Variants in PCSK6 observed in about 807,000 individuals in gnomAD.
PCSK6 encodes proprotein convertase subtilisin/kexin type 6, also known as paired basic amino acid cleaving enzyme 4.
In PCSK6, 85 loss-of-function variants were observed where a neutral mutation model predicts 123.3. That is an observed-to-expected ratio of 0.69 (90% CI 0.58 to 0.83). The LOEUF is 0.83. PCSK6 is among the 40% of genes least tolerant of loss of function. The pLI, the probability that PCSK6 is intolerant of heterozygous loss-of-function variation, is 0.00. For missense variants in PCSK6, 1,191 were observed against 1,282.3 expected, an observed-to-expected ratio of 0.93 and a Z score of 1.09; for synonymous variants, 508 against 516.0, an observed-to-expected ratio of 0.98 and a Z score of 0.21.
chr15:101,375,762 T>C (rs2041718270), intron 11 of PCSK6, among the ~76,000 whole-genome samples: 1 of 152,104 alleles, frequency 6.6e-6, no homozygotes. Context: ...TGGCCAGGTG[T>C]GGTGGCTCAC....
At chr15:101,468,312 C>A (rs774161034) in intron 1 of PCSK6, among the ~76,000 whole-genome samples, 4 of 152,164 alleles carry the variant, frequency 2.6e-5, no homozygotes, top group Non-Finnish European at 5.9e-5. Flanking sequence ...ACAGCACCAG[C>A]CCTGGATGGT....
chr15:101,327,333 C>A (rs2040279046), intron 15 of PCSK6, among the ~76,000 whole-genome samples: 1 of 152,170 alleles, frequency 6.6e-6, no homozygotes, highest in Non-Finnish European at 1.5e-5. Context: ...AGAGATGAAG[C>A]CAGTGTTAAA....
At chr15:101,310,042 G>C (rs1010700707) in intron 20 of PCSK6, among the ~76,000 whole-genome samples, 16 of 152,240 alleles carry the variant, frequency 1.1e-4, no homozygotes, top group African/African-American at 3.1e-4. Context: ...CACAGCAGCA[G>C]CGGACGGCCA....
chr15:101,395,657 G>A (rs2042390126), intron 7 of PCSK6, among the ~76,000 whole-genome samples: 1 of 152,142 alleles, frequency 6.6e-6, no homozygotes, highest in African/African-American at 2.4e-5. Flanking sequence ...AAGCTGTAGG[G>A]GACATTTCAA....
intron 1 of PCSK6, among the ~76,000 whole-genome samples, chr15:101,487,415 A>C (rs955598768): frequency 3.9e-5 from 6 of 152,244 alleles, no homozygotes; most frequent in African/African-American, 1.4e-4. Context: ...CTTCTCTCCC[A>C]TCCGCAAAAC....
intron 1 of PCSK6, among the ~76,000 whole-genome samples, chr15:101,459,864 C>T (rs1330635401): frequency 1.3e-5 from 2 of 152,004 alleles, no homozygotes; most frequent in Admixed American, 1.3e-4. Context: ...CTAGACAGCC[C>T]ACGCCCCCAC....
intron 2 of PCSK6, among the ~76,000 whole-genome samples, chr15:101,435,318 A>AGAAAGAAAGAAAG (rs1555459439): frequency 8.1e-5 from 12 of 148,202 alleles, no homozygotes; most frequent in Admixed American, 6.7e-4. Flanking sequence ...CTCAAAAAAA[A>AGAAAGAAAGAAAG]AAAGAAAGAA....
chr15:101,364,247 G>A (rs2041322982), intron 13 of PCSK6, among the ~76,000 whole-genome samples: 1 of 152,166 alleles, frequency 6.6e-6, no homozygotes, highest in East Asian at 1.9e-4. Context: ...AACAGTGAAA[G>A]CAAACCTTGA....
intron 10 of PCSK6, among the ~76,000 whole-genome samples, chr15:101,382,693 T>G (rs1460691655): frequency 6.6e-6 from 1 of 152,142 alleles, no homozygotes; most frequent in Non-Finnish European, 1.5e-5. Context: ...CCCAGAGCAT[T>G]CCGGGAAAAC....
At chr15:101,462,277 C>T (rs972443617) in intron 1 of PCSK6, among the ~76,000 whole-genome samples, 2 of 152,134 alleles carry the variant, frequency 1.3e-5, no homozygotes, top group Non-Finnish European at 2.9e-5. Context: ...ACAAACTTTA[C>T]TAATACTTAA....
Position 101,450,976 on chromosome 15 carries a change from G to A in PCSK6, c.298-7316C>T, listed in dbSNP as rs76240178. ...CCAGCCATGAGAAGAACTCTCGGGC[G>A]CAGGTGTGGACAAGCAGAAGCGGCT... is the stretch of plus-strand genomic sequence containing the variant. On this transcript the variant is annotated intron_variant, in intron 1 of 21. Transcript: ENST00000611716. Among the ~76,000 whole-genome samples the A allele has an allele frequency of 4.7e-3, 712 of 151,606 alleles. 7 individuals are homozygous for A. The highest frequency in any genetic ancestry group is 0.016 in the African/African-American group (645 of 41,304).
intron 6 of PCSK6, among the ~76,000 whole-genome samples, chr15:101,425,631 T>C (rs1038730356): frequency 8.3e-6 from 1 of 120,450 alleles, no homozygotes; most frequent in African/African-American, 2.8e-5. Flanking sequence ...GTTGTTTATA[T>C]ACATATATAT....
intron 15 of PCSK6, among the ~76,000 whole-genome samples, chr15:101,329,073 G>A (rs1453798372): frequency 6.6e-6 from 1 of 152,170 alleles, no homozygotes; most frequent in Non-Finnish European, 1.5e-5. Flanking sequence ...GTCACTTCCC[G>A]TAACTCCTAG....
chr15:101,378,218 C>A (rs747375880), intron 11 of PCSK6, among the ~76,000 whole-genome samples: 1 of 152,208 alleles, frequency 6.6e-6, no homozygotes, highest in Non-Finnish European at 1.5e-5. Context: ...TCATTTTGCA[C>A]AGGCAGATGC....
chr15:101,370,426 C>A lies in PCSK6; in HGVS notation c.1630G>T (p.Val544Phe). ...CGTGGGTGTGAGATGGAGGTGCGAACCACCACGTGCTCCAAGTAGACCACC... is the reference window on the plus strand; with the variant it reads ...CGTGGGTGTGAGATGGAGGTGCGAAACACCACGTGCTCCAAGTAGACCACC... ...QRVVYLEHVV[V>F]RTSISHPRRG... The change falls in exon 12 of 22, where the codon GTT becomes TTT. Residue 544 changes from valine (V) to phenylalanine (F), a missense_variant. Coordinates refer to ENST00000611716, the MANE Select transcript of PCSK6 (RefSeq NM_002570.5). 1 of 1,552,286 alleles carries A rather than the reference C, an allele frequency of 6.4e-7. No individual in the cohort carries two copies. Among genetic ancestry groups the A allele is most frequent in the Non-Finnish European group, 8.7e-7 (1 of 1,147,316 alleles).
At chr15:101,394,144 G>GT (rs56222739) in intron 7 of PCSK6, among the ~76,000 whole-genome samples, 88,342 of 141,386 alleles carry the variant, frequency 0.62, 28,419 homozygotes, top group African/African-American at 0.65. Context: ...TTTGTTTTTT[G>GT]TTTTTTTTTT....
chr15:101,307,088 C>T (rs1022018760), intron 21 of PCSK6, 125 bp downstream of exon 21: 4 of 676,864 alleles, frequency 5.9e-6, no homozygotes, highest in Admixed American at 2.2e-5. Context: ...TCAATCGGAT[C>T]AGGGGCACGA....
chr15:101,430,261 C>A (rs1472736144), intron 4 of PCSK6, among the ~76,000 whole-genome samples, 198 bp from the exon 5 acceptor site: 1 of 147,940 alleles, frequency 6.8e-6, no homozygotes, highest in African/African-American at 2.5e-5. Context: ...CTCGAGTGTG[C>A]GGCTCAGTGG....
rs149902723 is a variant in PCSK6 at position 101,412,691 on chromosome 15, T to TTATATATATATATATATATATATATATA, written c.824-14116_824-14115insTATATATATATATATATATATATATATA. 8.7e-4 allele frequency among the ~76,000 whole-genome samples: 109 copies of TTATATATATATATATATATATATATATA among 124,608 alleles called. 2 individuals carry two copies. Among genetic ancestry groups the TTATATATATATATATATATATATATATA allele is most frequent in the African/African-American group, 1.8e-3 (51 of 28,886 alleles). 81.7% of individuals were successfully genotyped at this position (124,608 alleles called of 152,430 possible). A position where few individuals can be genotyped will look rare whatever the true frequency, so the allele number is the denominator to read the frequency against. Reference sequence around the variant, plus strand: ...ACAGAAGAAAGAGTGAACTGGAAAATTATATATATATATATATATATAAAA... The same window carrying TTATATATATATATATATATATATATATA: ...ACAGAAGAAAGAGTGAACTGGAAAATTATATATATATATATATATATATATATATATATATATATATATATATATAAAA... On this transcript the variant is annotated intron_variant, in intron 6 of 21. Coordinates refer to ENST00000611716, the MANE Select transcript of PCSK6 (RefSeq NM_002570.5).
Sources: gnomAD v4.1 joint callset for allele counts (sites outside exome capture counted in the v4.1 genomes callset) on GRCh38, gnomAD v4.1.1 for gene constraint, MANE v1.5 for transcripts, NCBI Gene and HGNC (gene_info 2026-07-23, HGNC 2026-07-21) for gene names.